The following ARID2 variants were observed in gnomAD, a reference collection of about 807,000 sequenced individuals.
ARID2 encodes the protein AT-rich interactive domain-containing protein 2.
A neutral mutation model predicts 184.6 loss-of-function variants in ARID2; 32 were observed. The observed-to-expected ratio is 0.17, with a 90% CI of 0.13 to 0.23. The LOEUF (loss-of-function observed/expected upper bound fraction) is 0.23, where lower values mean the gene tolerates loss of function less well. Ranked by LOEUF, ARID2 falls within the 10% of genes least tolerant of loss-of-function variation. The probability of loss-of-function intolerance (pLI) is 1.00; values close to 1 mark genes in which losing one functional copy is unlikely to be tolerated. For missense variants in ARID2, 1,696 were observed against 2,197.6 expected, an observed-to-expected ratio of 0.77 and a Z score of 4.56; for synonymous variants, 836 against 772.6, an observed-to-expected ratio of 1.08 and a Z score of -1.36.
chr12:45,805,639 T>G (rs1202993521), intron 3 of ARID2, among the ~76,000 whole-genome samples: 4 of 152,120 alleles, frequency 2.6e-5, no homozygotes, highest in Admixed American at 6.5e-5. Context: ...GAGGTACAAT[T>G]GACTAATAAA....
At position 45,853,299 on chromosome 12, in the gene ARID2, G is replaced by A. The variant is rs535863522; in HGVS notation, c.4773+403G>A. Among the ~76,000 whole-genome samples the A allele has an allele frequency of 3.3e-5, 5 of 152,118 alleles. No individual in the cohort carries two copies. In the South Asian group the frequency reaches 6.2e-4, roughly 19 times the overall value. ...ATTTTGACCTGAGTGTGTTTTTGTT[G>A]CCTCTTTAACAGTACTGTTGTAATA... On this transcript the variant is annotated intron_variant, in intron 15 of 20. Transcript: ENST00000334344.
chr12:45,778,193 C>T (rs1045077590), intron 3 of ARID2, among the ~76,000 whole-genome samples: 12 of 151,628 alleles, frequency 7.9e-5, no homozygotes, highest in African/African-American at 1.7e-4. Flanking sequence ...GGGACAAGAG[C>T]GAGACTTCTC....
intron 16 of ARID2, among the ~76,000 whole-genome samples, chr12:45,876,870 A>T (rs1349562704): frequency 6.6e-6 from 1 of 151,784 alleles, no homozygotes; most frequent in African/African-American, 2.4e-5. Flanking sequence ...TGGGCGGATC[A>T]CAAGTTCAGG....
At chr12:45,899,671 T>TTATATATATATGGTTATATATA in intron 20 of ARID2, among the ~76,000 whole-genome samples, 1 of 45,126 alleles carries the variant, frequency 2.2e-5, no homozygotes. Flanking sequence ...ATATATATGG[T>TTATATATATATGGTTATATATA]TATATATGGT....
rs797005223 is a variant in ARID2, at chr12:45,794,424, CTCTT to C, written c.285-16992_285-16989del. 5.9e-5 allele frequency among the ~76,000 whole-genome samples: 9 copies of C among 152,328 alleles called. No individual in the cohort carries two copies. The East Asian group carries it at 1.5e-3, about 26-fold the overall frequency. On this transcript the variant is annotated intron_variant, in intron 3 of 20. Coordinates refer to ENST00000334344, the MANE Select transcript of ARID2 (RefSeq NM_152641.4). ...CCTACATTGGAACCCTTTGCTCTAT[CTCTT>C]TATTTCATGCAATTTCTAATAAATT... is the stretch of plus-strand genomic sequence containing the variant.
chr12:45,843,962 A>T lies in ARID2; in HGVS notation c.1499-2894A>T, dbSNP rs1341138685. ...GCGTTCTTTCCTTCAGAATTTTAACAGTTGAATTTGCCATGAGTTCGTAAT... is the reference window on the plus strand; with the variant it reads ...GCGTTCTTTCCTTCAGAATTTTAACTGTTGAATTTGCCATGAGTTCGTAAT... On this transcript the variant is annotated intron_variant, in intron 11 of 20. Coordinates refer to ENST00000334344, the MANE Select transcript of ARID2 (RefSeq NM_152641.4). 2.0e-5 allele frequency among the ~76,000 whole-genome samples: 3 copies of T among 152,156 alleles called. No individual in the cohort carries two copies. In the East Asian group the frequency reaches 5.8e-4, roughly 29 times the overall value.
Position 45,882,798 on chromosome 12 carries a change from G to A in ARID2, c.4923-8982G>A, listed in dbSNP as rs537500435. ...TCTCAATTTTGTGGTCATAAAACCA[G>A]AAGAGATCTTCAGAGGGTTATATGT... On this transcript the variant is annotated intron_variant, in intron 16 of 20. Transcript: ENST00000334344. Among the ~76,000 whole-genome samples the A allele has an allele frequency of 3.3e-5, 5 of 152,320 alleles. No individual in the cohort carries two copies. In the East Asian group the frequency reaches 9.6e-4, roughly 29 times the overall value.
At chr12:45,857,643 T>G (rs1943673019) in intron 15 of ARID2, among the ~76,000 whole-genome samples, 2 of 152,222 alleles carry the variant, frequency 1.3e-5, no homozygotes, top group African/African-American at 4.8e-5. Flanking sequence ...TTTTAAGAGT[T>G]GAAGTGAATT....
chr12:45,878,559 T>A (rs1416475600), intron 16 of ARID2, among the ~76,000 whole-genome samples: 1 of 152,188 alleles, frequency 6.6e-6, no homozygotes, highest in Non-Finnish European at 1.5e-5. Flanking sequence ...TGTTACAGTT[T>A]TTTTCATATT....
At chr12:45,779,114 T>C (rs904225921) in intron 3 of ARID2, among the ~76,000 whole-genome samples, 4 of 152,118 alleles carry the variant, frequency 2.6e-5, no homozygotes, top group Non-Finnish European at 5.9e-5. Context: ...GCTTTAATGT[T>C]ATAAATTTTG....
At chr12:45,750,527 A>G (rs1026973621) in intron 3 of ARID2, among the ~76,000 whole-genome samples, 2 of 152,246 alleles carry the variant, frequency 1.3e-5, no homozygotes, top group African/African-American at 4.8e-5. Flanking sequence ...TGGTTTTAAA[A>G]AAGATAATAT....
chr12:45,840,724 C>T (rs1379448475), intron 11 of ARID2: 2 of 152,154 alleles, frequency 1.3e-5, no homozygotes, highest in Non-Finnish European at 2.9e-5. Context: ...GCTATCTGTT[C>T]TCACGTTCAT....
intron 3 of ARID2, among the ~76,000 whole-genome samples, chr12:45,788,921 T>C (rs1942243483): frequency 6.6e-6 from 1 of 152,222 alleles, no homozygotes; most frequent in South Asian, 2.1e-4. Flanking sequence ...AGGACTTTTT[T>C]GTCCTGCAGA....
At chr12:45,769,752 A>G (rs1335682171) in intron 3 of ARID2, among the ~76,000 whole-genome samples, 1 of 152,240 alleles carries the variant, frequency 6.6e-6, no homozygotes, top group East Asian at 1.9e-4. Context: ...ACATCATGGC[A>G]TAGGTTAAGG....
At chr12:45,824,287 A>G (rs1942953947) in intron 6 of ARID2, among the ~76,000 whole-genome samples, 1 of 152,124 alleles carries the variant, frequency 6.6e-6, no homozygotes, top group South Asian at 2.1e-4. Context: ...ATTTTATCAA[A>G]TGCTTTTTTT....
At chr12:45,900,445 A>AG (rs2136469321) in intron 20 of ARID2, among the ~76,000 whole-genome samples, 1 of 152,274 alleles carries the variant, frequency 6.6e-6, no homozygotes, top group African/African-American at 2.4e-5. Context: ...TGATTGTACC[A>AG]TATATTTTAA....
intron 3 of ARID2, among the ~76,000 whole-genome samples, chr12:45,769,568 C>G (rs781349685): frequency 1.3e-5 from 2 of 152,050 alleles, no homozygotes; most frequent in Admixed American, 6.5e-5. Context: ...AGTGTACCAA[C>G]GTACACATAA....
chr12:45,869,403 C>G (rs1003799707), intron 16 of ARID2, among the ~76,000 whole-genome samples: 2 of 151,896 alleles, frequency 1.3e-5, no homozygotes, highest in Admixed American at 1.3e-4. Flanking sequence ...GGTATCAGCC[C>G]ATGTTATTAC....
At chr12:45,879,430 A>G (rs538013699) in intron 16 of ARID2, among the ~76,000 whole-genome samples, 1 of 152,322 alleles carries the variant, frequency 6.6e-6, no homozygotes, top group Non-Finnish European at 1.5e-5. Context: ...CTCTGAAGGT[A>G]ATTCACACAA....
Sources: allele counts gnomAD v4.1 joint callset (sites outside exome capture counted in the v4.1 genomes callset), GRCh38; gene constraint gnomAD v4.1.1; transcripts MANE v1.5; gene names NCBI Gene and HGNC (gene_info 2026-07-23, HGNC 2026-07-21).